Variants in NTRK2 observed in about 807,000 individuals in gnomAD.
NTRK2 encodes neurotrophic receptor tyrosine kinase 2, also known as BDNF/NT-3 growth factors receptor.
NTRK2 carries 13 observed loss-of-function variants against 94.5 expected under a neutral mutation model. The observed-to-expected ratio is 0.14, with a 90% CI of 0.09 to 0.22. NTRK2 has a LOEUF of 0.22. Ranked by LOEUF, NTRK2 falls within the 10% of genes least tolerant of loss-of-function variation. The probability of loss-of-function intolerance (pLI) is 1.00; values close to 1 mark genes in which losing one functional copy is unlikely to be tolerated. For synonymous variants in NTRK2, 372 were observed against 407.4 expected (o/e 0.91, Z 1.05); for missense variants, 639 against 1,071.2 (o/e 0.60, Z 5.63).
chr9:84,791,913 A>T (rs1219757192), intron 12 of NTRK2, among the ~76,000 whole-genome samples: 1 of 152,176 alleles, frequency 6.6e-6, no homozygotes, highest in Non-Finnish European at 1.5e-5. Flanking sequence ...TTAGTTTCAG[A>T]TGGGAATTTA....
chr9:84,810,625 G>T (rs1393928091), intron 12 of NTRK2: 13 of 1,613,642 alleles, frequency 8.1e-6, no homozygotes, highest in Non-Finnish European at 1.0e-5. Flanking sequence ...GTGCTTGTTG[G>T]TTGATGCTGC....
chr9:84,673,277 C>A (rs574001742), intron 2 of NTRK2, among the ~76,000 whole-genome samples: 3 of 152,294 alleles, frequency 2.0e-5, no homozygotes, highest in Non-Finnish European at 4.4e-5. Context: ...TTGTTTCACT[C>A]GCATCCTTAT....
chr9:84,811,032 A>G, intron 12 of NTRK2: 1 of 1,087,664 alleles, frequency 9.2e-7, no homozygotes, highest in East Asian at 4.6e-5. Flanking sequence ...TGAATAGTCT[A>G]ATCTACATGT....
chr9:84,856,600 C>T (rs1339186335), intron 12 of NTRK2, among the ~76,000 whole-genome samples: 1 of 152,076 alleles, frequency 6.6e-6, no homozygotes, highest in Admixed American at 6.6e-5. Flanking sequence ...CCATTCTCTC[C>T]CTGAAGCAAA....
chr9:84,873,012 G>T (rs1255224887), intron 14 of NTRK2: 1 of 1,063,374 alleles, frequency 9.4e-7, no homozygotes, highest in African/African-American at 1.6e-5. Flanking sequence ...GAGTACACAT[G>T]AGCAAAAATT....
intron 12 of NTRK2, chr9:84,813,830 C>T (rs1160237048): frequency 2.8e-6 from 3 of 1,065,694 alleles, no homozygotes; most frequent in Non-Finnish European, 3.4e-6. Flanking sequence ...GTACATGTCC[C>T]ATTTTCATGG....
At chr9:84,932,541 T>C (rs1205036404) in intron 14 of NTRK2, among the ~76,000 whole-genome samples, 1 of 152,224 alleles carries the variant, frequency 6.6e-6, no homozygotes, top group Non-Finnish European at 1.5e-5. Context: ...ATATGGTTTA[T>C]ATTTTCGTAT....
At chr9:84,781,291 A>G (rs1294436582) in intron 12 of NTRK2, among the ~76,000 whole-genome samples, 1 of 152,204 alleles carries the variant, frequency 6.6e-6, no homozygotes, top group African/African-American at 2.4e-5. Flanking sequence ...TTAGGAGAAC[A>G]TACAACTGAA....
intron 12 of NTRK2, chr9:84,815,499 T>A: frequency 9.6e-7 from 1 of 1,037,224 alleles, no homozygotes; most frequent in Non-Finnish European, 1.2e-6. Context: ...AGGCAGCCTG[T>A]GAATCATTCT....
At position 84,894,158 on chromosome 9, in the gene NTRK2, CTAT is replaced by C. The variant is rs1564440764; in HGVS notation, c.1633+26729_1633+26731del. ...TTGGGGGTGTTTGGGTGTTACTTGA[CTAT>C]TTGGGAGAATATATTTTTATAACAC... On this transcript the variant is annotated intron_variant, in intron 14 of 18. Coordinates refer to ENST00000277120, the MANE Select transcript of NTRK2 (RefSeq NM_006180.6). Among the ~76,000 whole-genome samples the C allele has an allele frequency of 6.0e-5, 9 of 150,322 alleles. No individual in the cohort carries two copies. The South Asian group carries it at 6.4e-4, about 11-fold the overall frequency.
intron 12 of NTRK2, among the ~76,000 whole-genome samples, chr9:84,786,410 C>T (rs577319426): frequency 6.6e-6 from 1 of 152,112 alleles, no homozygotes; most frequent in African/African-American, 2.4e-5. Context: ...ATACCAGGAT[C>T]CAAGCCTAGG....
chr9:84,719,556 T>C (rs1189881317), intron 6 of NTRK2, among the ~76,000 whole-genome samples: 6 of 152,090 alleles, frequency 3.9e-5, no homozygotes. Flanking sequence ...TTTATAAAGG[T>C]AGGAAATTCA....
At chr9:84,824,447 A>G (rs2073053364) in intron 12 of NTRK2, among the ~76,000 whole-genome samples, 1 of 152,128 alleles carries the variant, frequency 6.6e-6, no homozygotes, top group African/African-American at 2.4e-5. Flanking sequence ...ACCCTGGCAA[A>G]TTGGTATGTT....
chr9:84,865,844 C>G (rs12000339), intron 13 of NTRK2, among the ~76,000 whole-genome samples: 22,895 of 152,198 alleles, frequency 0.15, 1,792 homozygotes, highest in Admixed American at 0.18. Flanking sequence ...TGTGCACCTC[C>G]CACGTAGACA....
chr9:84,749,850 C>T (rs1055736949), intron 11 of NTRK2, among the ~76,000 whole-genome samples: 1 of 152,166 alleles, frequency 6.6e-6, no homozygotes, highest in Non-Finnish European at 1.5e-5. Flanking sequence ...TAATGCTTCT[C>T]ACTATGAGAT....
intron 11 of NTRK2, among the ~76,000 whole-genome samples, chr9:84,749,508 A>C (rs1159289036): frequency 6.6e-6 from 1 of 152,192 alleles, no homozygotes; most frequent in Admixed American, 6.5e-5. Flanking sequence ...CACAGGATTT[A>C]TACTTGGGCA....
At chr9:84,756,347 C>T (rs575391492) in intron 12 of NTRK2, among the ~76,000 whole-genome samples, 16 of 152,246 alleles carry the variant, frequency 1.1e-4, no homozygotes, top group African/African-American at 3.1e-4. Flanking sequence ...TCACTGAAGA[C>T]GTAGGAGTGC....
rs1244808506 is a variant in NTRK2, at chr9:84,858,662, T to G, written c.1397-2378T>G. 2.6e-5 allele frequency among the ~76,000 whole-genome samples: 4 copies of G among 152,146 alleles called. No individual in the cohort carries two copies. In the East Asian group the frequency reaches 7.7e-4, roughly 29 times the overall value. On this transcript the variant is annotated intron_variant, in intron 12 of 18. Coordinates refer to ENST00000277120, the MANE Select transcript of NTRK2 (RefSeq NM_006180.6). ...TGTGCTCACACACCCTGGACTGACT[T>G]CTTGGATGGCTCATCCTCCACCGAG... is the stretch of plus-strand genomic sequence containing the variant.
chr9:84,728,045 C>G, intron 9 of NTRK2, 86 bp downstream of exon 9: 4 of 1,264,634 alleles, frequency 3.2e-6, no homozygotes, highest in Non-Finnish European at 4.6e-6. Context: ...ATAAGCCATC[C>G]CCCAACCTAG....
Sources: allele counts gnomAD v4.1 joint callset (sites outside exome capture counted in the v4.1 genomes callset), GRCh38; gene constraint gnomAD v4.1.1; transcripts MANE v1.5; gene names NCBI Gene and HGNC (gene_info 2026-07-23, HGNC 2026-07-21).